Variants in IVNS1ABP observed in about 807,000 individuals in gnomAD.
The protein encoded by IVNS1ABP is influenza virus NS1A binding protein, also known as influenza virus NS1A-binding protein.
A neutral mutation model predicts 78.9 loss-of-function variants in IVNS1ABP; 25 were observed. That is an observed-to-expected ratio of 0.32 (90% CI 0.23 to 0.44). IVNS1ABP has a LOEUF of 0.44. IVNS1ABP is among the 20% of genes least tolerant of loss of function. IVNS1ABP has a pLI of 1.00. For missense variants in IVNS1ABP, 494 were observed against 768.9 expected (o/e 0.64, Z 4.23); for synonymous variants, 241 against 259.7 (o/e 0.93, Z 0.69).
chr1:185,314,333 T>C (rs1212721689), intron 1 of IVNS1ABP, among the ~76,000 whole-genome samples: 1 of 152,134 alleles, frequency 6.6e-6, no homozygotes, highest in Non-Finnish European at 1.5e-5. Context: ...CAAACTGAAA[T>C]GGAATGCTCA....
rs1665545321 is a variant in IVNS1ABP, at chr1:185,300,446, A to G, written c.1233T>C (p.Ala411=). The G allele has an allele frequency of 6.2e-7, 1 of 1,613,582 alleles. No individual in the cohort carries two copies. Residue 411 remains alanine (A), a synonymous_variant, in exon 11 of 15, where the codon GCT becomes GCC. Transcript: ENST00000367498. ...AACATAATGCGCTTACCATGAGTACAGCCATTTGAAATCGGGCTCTTGGTG... is the reference window on the plus strand; with the variant it reads ...AACATAATGCGCTTACCATGAGTACGGCCATTTGAAATCGGGCTCTTGGTG... The part of the protein sequence containing the change: ...MRTPRARFQM[A]VLMGQLYVVG...
At position 185,298,122 on chromosome 1, in the gene IVNS1ABP, G is replaced by A. The variant is rs779953718; in HGVS notation, c.1842C>T (p.Phe614=). Residue 614 remains phenylalanine (F), a synonymous_variant, in exon 15 of 15, where the codon TTC becomes TTT. Coordinates refer to ENST00000367498, the MANE Select transcript of IVNS1ABP (RefSeq NM_006469.5). This position sits in a 1 kb window ranked among gnomAD's most constrained non-coding sequence, Gnocchi z 4.1. ...VGNTIYAVGG[F]DGNEFLNTVE... Reference sequence around the variant, plus strand: ...CCGTATTCAGAAATTCATTGCCATCGAATCCTCCCACTGCATAAATGGTGT... The same window carrying A: ...CCGTATTCAGAAATTCATTGCCATCAAATCCTCCCACTGCATAAATGGTGT... 9.9e-6 allele frequency: 16 copies of A among 1,613,548 alleles called. No homozygotes were observed. Among genetic ancestry groups the A allele is most frequent in the African/African-American group, 8.0e-5 (6 of 74,856 alleles).
chr1:185,307,739 G>T, intron 5 of IVNS1ABP, 77 bp from the exon 6 acceptor site: 2 of 1,428,862 alleles, frequency 1.4e-6, no homozygotes. Context: ...GTGTGGTAAA[G>T]ACTATGTGAA....
At chr1:185,303,868 T>C (rs1420291601) in intron 8 of IVNS1ABP, among the ~76,000 whole-genome samples, 1 of 152,168 alleles carries the variant, frequency 6.6e-6, no homozygotes, top group African/African-American at 2.4e-5. Flanking sequence ...CCTAATAGAC[T>C]GTTCCCCAGT....
In IVNS1ABP at chr1:185,317,091, G is replaced by A. The variant is rs74132215; in HGVS notation, c.-385C>T. The A allele has an allele frequency of 1.2e-3, 492 of 398,568 alleles. 2 individuals carry two copies. The highest frequency in any genetic ancestry group is 9.3e-3 in the African/African-American group (452 of 48,672). The allele number at this position is 398,568 out of a possible 1,614,324, so 24.7% of individuals were successfully genotyped here. A position where few individuals can be genotyped will look rare whatever the true frequency, so the allele number is the denominator to read the frequency against. ...GAGCGGTCAAGTAGAAGGACGAGGG[G>A]CCAGTCCGTGGAGACTGAAAGGAAG... is the stretch of plus-strand genomic sequence containing the variant. On this transcript the variant is annotated 5_prime_UTR_variant, in exon 1 of 15. Coordinates refer to ENST00000367498, the MANE Select transcript of IVNS1ABP (RefSeq NM_006469.5).
chr1:185,304,411 AAT>A (rs1346529562), intron 8 of IVNS1ABP, among the ~76,000 whole-genome samples: 1 of 152,152 alleles, frequency 6.6e-6, no homozygotes, highest in Non-Finnish European at 1.5e-5. Context: ...GTTCTCAACT[AAT>A]TCAAATTCCA....
chr1:185,315,645 A>C (rs1226669825), intron 1 of IVNS1ABP, among the ~76,000 whole-genome samples: 2 of 152,230 alleles, frequency 1.3e-5, no homozygotes, highest in Non-Finnish European at 2.9e-5. Flanking sequence ...TAACAAATAC[A>C]ACTACTCTTT....
chr1:185,312,358 A>G (rs1665910798), intron 1 of IVNS1ABP, among the ~76,000 whole-genome samples: 1 of 152,226 alleles, frequency 6.6e-6, no homozygotes, highest in Non-Finnish European at 1.5e-5. Flanking sequence ...AACCAGAACT[A>G]AGGAATAACT....
chr1:185,313,693 AAACC>A (rs1446144347), intron 1 of IVNS1ABP, among the ~76,000 whole-genome samples: 4 of 152,224 alleles, frequency 2.6e-5, no homozygotes, highest in African/African-American at 9.6e-5. Context: ...TTGAAAATCC[AAACC>A]AAAAGTCCAG....
intron 6 of IVNS1ABP, 143 bp from the exon 7 acceptor site, chr1:185,307,282 A>G: frequency 8.7e-7 from 1 of 1,153,278 alleles, no homozygotes; most frequent in Non-Finnish European, 1.2e-6. Context: ...GGAATTTGTA[A>G]GGAACCAGGA....
At chr1:185,310,627 G>A (rs1259740704) in intron 2 of IVNS1ABP, among the ~76,000 whole-genome samples, 3 of 151,784 alleles carry the variant, frequency 2.0e-5, no homozygotes, top group Admixed American at 2.0e-4. Flanking sequence ...ATAAAGAACA[G>A]TAATAGGGAG....
Position 185,301,146 on chromosome 1 carries a change from A to G in IVNS1ABP, c.946T>C (p.Phe316Leu). The G allele has an allele frequency of 6.2e-7, 1 of 1,613,494 alleles. No homozygotes were observed. Residue 316 changes from phenylalanine to leucine, a missense_variant, in exon 10 of 15, where the codon TTT (phenylalanine) becomes CTT (leucine). Transcript: ENST00000367498. ...TGTGGGCTGTTTCTCCCATGAAGAA[A>G]AATGACACAGAATATACCATCCAGC... ...AVLDGIFCVI[F>L]LHGRNSPQSS...
In IVNS1ABP at chr1:185,317,148, G is replaced by T. The variant is rs1666060420; in HGVS notation, c.-442C>A. ...CGCCACCGAGAACTCGCGGGAACTC[G>T]CTCGCTCGCCGATACAGCCGCGCCG... On this transcript the variant is annotated 5_prime_UTR_variant, in exon 1 of 15. Transcript: ENST00000367498. The T allele has an allele frequency of 5.0e-6, 2 of 398,196 alleles. No homozygotes were observed. Among genetic ancestry groups the T allele is most frequent in the South Asian group, 1.3e-4 (1 of 7,828 alleles). The allele number at this position is 398,196 out of a possible 1,614,324, so 24.7% of individuals were successfully genotyped here. A position where few individuals can be genotyped will look rare whatever the true frequency, so the allele number is the denominator to read the frequency against.
rs1188947779 is a variant in IVNS1ABP at position 185,297,433 on chromosome 1, G to C, written c.*602C>G. On this transcript the variant is annotated 3_prime_UTR_variant, in exon 15 of 15. Coordinates refer to ENST00000367498, the MANE Select transcript of IVNS1ABP (RefSeq NM_006469.5). ...TCTGCAAACTGAAGACTGCCACTCT[G>C]CTTCAATAACTCCAGCCTGCCACAT... 1 of 152,406 alleles carries C rather than the reference G, an allele frequency of 6.6e-6. No individual in the cohort carries two copies. Among genetic ancestry groups the C allele is most frequent in the Admixed American group, 6.6e-5 (1 of 15,266 alleles). 9.4% of individuals were successfully genotyped at this position (152,406 alleles called of 1,614,324 possible).
intron 1 of IVNS1ABP, 84 bp from the exon 2 acceptor site, chr1:185,311,406 A>G (rs1665882462): frequency 5.2e-6 from 2 of 388,314 alleles, no homozygotes; most frequent in Admixed American, 8.9e-5. Flanking sequence ...ATGTAAAACA[A>G]GTCCTGATCT....
chr1:185,313,717 A>G (rs961840843), intron 1 of IVNS1ABP, among the ~76,000 whole-genome samples: 8 of 152,230 alleles, frequency 5.3e-5, no homozygotes, highest in African/African-American at 1.7e-4. Context: ...GACATCCCAG[A>G]GTCATATAAG....
At chr1:185,314,168 C>T (rs998764539) in intron 1 of IVNS1ABP, among the ~76,000 whole-genome samples, 2 of 152,170 alleles carry the variant, frequency 1.3e-5, no homozygotes, top group African/African-American at 4.8e-5. Flanking sequence ...CTTTTTAAAA[C>T]CAGAAGTTAC....
rs367791041 is a variant in IVNS1ABP at position 185,299,936 on chromosome 1, T to TATA, written c.1502-56_1502-54dup. The TATA allele has an allele frequency of 5.2e-4, 841 of 1,611,830 alleles. 8 individuals carry two copies. The East Asian group carries it at 0.015, about 29-fold the overall frequency. On this transcript the variant is annotated intron_variant, in intron 13 of 14. Transcript: ENST00000367498. ...TGCTACATCTCCCAGACTCTAAGTG[T>TATA]ATACTACACATACTGTTGATTTGAA...
At chr1:185,316,348 G>C (rs1666021247) in intron 1 of IVNS1ABP, among the ~76,000 whole-genome samples, 1 of 151,748 alleles carries the variant, frequency 6.6e-6, no homozygotes, top group Non-Finnish European at 1.5e-5. Flanking sequence ...CCTTCTCCCC[G>C]CGCTTGGCAA....
Sources: gnomAD v4.1 joint callset for allele counts (sites outside exome capture counted in the v4.1 genomes callset) on GRCh38, gnomAD v4.1.1 for gene constraint, Gnocchi (gnomAD v3.1) non-coding constraint, MANE v1.5 for transcripts, NCBI Gene and HGNC (gene_info 2026-07-23, HGNC 2026-07-21) for gene names.